The following RASGEF1C variants were observed in gnomAD, a reference collection of about 807,000 sequenced individuals.
The protein encoded by RASGEF1C is RasGEF domain family member 1C.
A neutral mutation model predicts 58.1 loss-of-function variants in RASGEF1C; 27 were observed. The ratio of observed to expected loss-of-function variants is 0.46; its 90% CI spans 0.34 to 0.64. The LOEUF (loss-of-function observed/expected upper bound fraction) is 0.64. RASGEF1C is among the 30% of genes least tolerant of loss of function. The pLI, the probability that RASGEF1C is intolerant of heterozygous loss-of-function variation, is 0.01. For synonymous variants in RASGEF1C, 243 were observed against 246.3 expected (o/e 0.99, Z 0.13); for missense variants, 502 against 605.1 (o/e 0.83, Z 1.79).
At chr5:180,195,570 C>A (rs1396146354) in intron 1 of RASGEF1C, among the ~76,000 whole-genome samples, 1 of 151,902 alleles carries the variant, frequency 6.6e-6, no homozygotes, top group Non-Finnish European at 1.5e-5. Flanking sequence ...ACCAGCCTGG[C>A]GAACATGGTG....
In RASGEF1C at chr5:180,137,580, TC is replaced by T; in HGVS notation, c.300+9del. 6.2e-7 allele frequency: 1 copy of T among 1,608,498 alleles called. No homozygotes were observed. The highest frequency in any genetic ancestry group is 8.5e-7 in the Non-Finnish European group (1 of 1,178,568). On this transcript the variant is annotated intron_variant, in intron 3 of 13. Coordinates refer to ENST00000361132, the MANE Select transcript of RASGEF1C (RefSeq NM_175062.4). The surrounding 1 kb of genome is among the most constrained non-coding windows in gnomAD (Gnocchi z 4.1). ...CACTCTGAGACCCCCTGGCCTGCCC[TC>T]CGCCTCACCTTGTCCAGCACCGGCT...
At chr5:180,106,153 G>A (rs1219046716) in intron 12 of RASGEF1C, among the ~76,000 whole-genome samples, 2 of 152,180 alleles carry the variant, frequency 1.3e-5, no homozygotes, top group African/African-American at 4.8e-5. Flanking sequence ...ACAGATAAGG[G>A]GGGACTACTG....
chr5:180,159,658 T>C (rs1008657787), intron 1 of RASGEF1C, among the ~76,000 whole-genome samples: 3 of 152,174 alleles, frequency 2.0e-5, no homozygotes, highest in Non-Finnish European at 4.4e-5. Context: ...GAGATCTAGG[T>C]AGGCCATTTG....
At chr5:180,113,472 T>G (rs149611431) in intron 11 of RASGEF1C, among the ~76,000 whole-genome samples, 1,806 of 6,690 alleles carry the variant, frequency 0.27, 6 homozygotes, top group Admixed American at 0.3. Flanking sequence ...ATGGACGGAG[T>G]GACCGGGGAT....
chr5:180,149,959 A>C (rs1457521337), intron 1 of RASGEF1C, among the ~76,000 whole-genome samples: 1 of 151,976 alleles, frequency 6.6e-6, no homozygotes, highest in Non-Finnish European at 1.5e-5. Context: ...TATTCAGATA[A>C]TCTCTCTATA....
At chr5:180,118,891 A>G in intron 8 of RASGEF1C, 25 bp from the exon 9 acceptor site, 1 of 1,610,902 alleles carries the variant, frequency 6.2e-7, no homozygotes, top group South Asian at 1.1e-5. Context: ...AGGGTTGGAG[A>G]GGGCTGCTCC....
chr5:180,135,801 G>A (rs1187551566), intron 4 of RASGEF1C, among the ~76,000 whole-genome samples: 1 of 152,250 alleles, frequency 6.6e-6, no homozygotes, highest in Admixed American at 6.5e-5. Context: ...TAACTGCAGG[G>A]GGAGGTCTTG....
chr5:180,120,660 G>A (rs539033661), intron 7 of RASGEF1C, among the ~76,000 whole-genome samples: 2 of 151,348 alleles, frequency 1.3e-5, no homozygotes, highest in South Asian at 2.1e-4. Flanking sequence ...GGGCTTTTAC[G>A]TGCATCTCCC....
At chr5:180,127,548 C>A in intron 6 of RASGEF1C, 61 bp downstream of exon 6, 1 of 1,500,230 alleles carries the variant, frequency 6.7e-7, no homozygotes. Context: ...GCGGGCTCCC[C>A]GGAGAGCGGC....
At chr5:180,153,439 C>G (rs898812408) in intron 1 of RASGEF1C, among the ~76,000 whole-genome samples, 1 of 152,302 alleles carries the variant, frequency 6.6e-6, no homozygotes, top group South Asian at 2.1e-4. Context: ...ACTATCCAAG[C>G]CCTCCTCTGG....
chr5:180,173,988 T>TG (rs1320775727), intron 1 of RASGEF1C, among the ~76,000 whole-genome samples: 1 of 150,468 alleles, frequency 6.6e-6, no homozygotes, highest in Non-Finnish European at 1.5e-5. Flanking sequence ...GCTCAGGGGT[T>TG]GGGGGGCCCA....
intron 1 of RASGEF1C, among the ~76,000 whole-genome samples, chr5:180,170,848 G>C (rs1296920866): frequency 6.6e-6 from 1 of 152,190 alleles, no homozygotes. Context: ...GCCAAAGTCG[G>C]AACTTGGTGG....
intron 1 of RASGEF1C, among the ~76,000 whole-genome samples, chr5:180,178,906 G>C (rs192711504): frequency 5.3e-5 from 8 of 152,096 alleles, no homozygotes; most frequent in Non-Finnish European, 7.4e-5. Context: ...AATGTTCTTG[G>C]GGGGGGAGGG....
At chr5:180,195,618 T>C (rs4700915) in intron 1 of RASGEF1C, among the ~76,000 whole-genome samples, 144,829 of 151,408 alleles carry the variant, frequency 0.96, 69,496 homozygotes, top group East Asian at 1. Flanking sequence ...AAAAATTAGC[T>C]GGGCGCGGTG....
At chr5:180,118,062 G>A (rs1425163792) in intron 10 of RASGEF1C, among the ~76,000 whole-genome samples, 2 of 151,686 alleles carry the variant, frequency 1.3e-5, no homozygotes, top group Non-Finnish European at 2.9e-5. Context: ...GCTTGGTTCA[G>A]TGATTGCCAA....
intron 1 of RASGEF1C, among the ~76,000 whole-genome samples, chr5:180,207,081 T>C (rs1561761774): frequency 1.3e-5 from 2 of 152,202 alleles, no homozygotes; most frequent in South Asian, 2.1e-4. Flanking sequence ...CCAAATTGAA[T>C]GCAAGTAGAA....
At chr5:180,183,614 C>T (rs780227878) in intron 1 of RASGEF1C, among the ~76,000 whole-genome samples, 10 of 152,086 alleles carry the variant, frequency 6.6e-5, no homozygotes, top group Non-Finnish European at 1.2e-4. Flanking sequence ...CACCTGAGGT[C>T]GGGAGTACAA....
At chr5:180,205,215 CA>C (rs988332344) in intron 1 of RASGEF1C, among the ~76,000 whole-genome samples, 2 of 148,700 alleles carry the variant, frequency 1.3e-5, no homozygotes, top group Non-Finnish European at 3.0e-5. Flanking sequence ...TAAATAAAAA[CA>C]AAAAAAAAGA....
chr5:180,169,324 C>G (rs1255208742), intron 1 of RASGEF1C, among the ~76,000 whole-genome samples: 1 of 152,180 alleles, frequency 6.6e-6, no homozygotes, highest in Admixed American at 6.5e-5. Flanking sequence ...AACAGGCCAT[C>G]CACACTCCCA....
Sources: gnomAD v4.1 joint callset for allele counts (sites outside exome capture counted in the v4.1 genomes callset) on GRCh38, gnomAD v4.1.1 for gene constraint, Gnocchi (gnomAD v3.1) non-coding constraint, MANE v1.5 for transcripts, NCBI Gene and HGNC (gene_info 2026-07-23, HGNC 2026-07-21) for gene names.